HEG1: variants seen among roughly 807,000 people sequenced by gnomAD.
The protein encoded by HEG1 is heart development protein with EGF like domains 1.
Under a neutral mutation model 125.6 loss-of-function variants are expected in HEG1, and 56 were observed. The observed-to-expected ratio is 0.45, with a 90% CI of 0.36 to 0.56. HEG1 has a LOEUF of 0.56. HEG1 is among the 20% of genes least tolerant of loss of function. HEG1 has a pLI of 0.00. For synonymous variants in HEG1, 644 were observed against 668.5 expected (o/e 0.96, Z 0.57); for missense variants, 1,523 against 1,670.0 (o/e 0.91, Z 1.53).
chr3:125,007,860 C>T (rs1368521125), intron 8 of HEG1, among the ~76,000 whole-genome samples: 4 of 151,842 alleles, frequency 2.6e-5, no homozygotes, highest in Admixed American at 6.6e-5. Flanking sequence ...TATCTTAGTG[C>T]GTGGCTAAAT....
Position 125,013,870 on chromosome 3 carries a change from G to T in HEG1, c.1709C>A (p.Ser570Tyr). ...TFTKGERALL[S>Y]ITDNSSSSDI... ...TGAGGATGAACTGTTATCTGTAATGGACAGTAACGCCCGTTCTCCTTTGGT... is the reference window on the plus strand; with the variant it reads ...TGAGGATGAACTGTTATCTGTAATGTACAGTAACGCCCGTTCTCCTTTGGT... Residue 570 changes from serine (S) to tyrosine (Y), a missense_variant, in exon 6 of 17, where the codon TCC (serine) becomes TAC (tyrosine). Ser to Tyr is a moderately radical substitution (Grantham distance 144). Transcript: ENST00000311127. 6.2e-7 allele frequency: 1 copy of T among 1,613,928 alleles called. No individual in the cohort carries two copies. The highest frequency in any genetic ancestry group is 8.5e-7 in the Non-Finnish European group (1 of 1,179,856).
intron 11 of HEG1, 63 bp downstream of exon 11, chr3:125,001,789 T>C (rs1353039181): frequency 6.4e-7 from 1 of 1,550,766 alleles, no homozygotes; most frequent in African/African-American, 1.4e-5. Flanking sequence ...ATGCCTTGCA[T>C]TTCCATCTTA....
chr3:124,993,017 G>A (rs1445438810), intron 12 of HEG1, among the ~76,000 whole-genome samples: 5 of 152,328 alleles, frequency 3.3e-5, no homozygotes, highest in Non-Finnish European at 4.4e-5. Flanking sequence ...ACCTCTTGAC[G>A]AGGATGCCCC....
Position 125,002,338 on chromosome 3 carries a change from C to A in HEG1, c.3298-23G>T, listed in dbSNP as rs374027689. 84 of 1,603,870 alleles carry A rather than the reference C, an allele frequency of 5.2e-5. No individual in the cohort carries two copies. The African/African-American group carries it at 1.1e-3, about 20-fold the overall frequency. On this transcript the variant is annotated intron_variant, in intron 9 of 16. Coordinates refer to ENST00000311127, the MANE Select transcript of HEG1 (RefSeq NM_020733.2). ...TAACTGAAAGGAAGAACAAGCCTGT[C>A]GTTAACAGTGAGTTAGACAAAAGCC... is the stretch of plus-strand genomic sequence containing the variant.
chr3:125,015,973 C>T (rs1210791032), intron 5 of HEG1, among the ~76,000 whole-genome samples: 1 of 152,124 alleles, frequency 6.6e-6, no homozygotes, highest in Non-Finnish European at 1.5e-5. Flanking sequence ...GCACGGGCCA[C>T]GAGCATCACT....
rs770944767 is a variant in HEG1, at chr3:124,968,696, T to C, written c.*1956A>G. 1 of 151,834 alleles carries C rather than the reference T, an allele frequency of 6.6e-6. No homozygotes were observed. Among genetic ancestry groups the C allele is most frequent in the Non-Finnish European group, 1.5e-5 (1 of 67,988 alleles). The allele number at this position is 151,834 out of a possible 1,614,324, so 9.4% of individuals were successfully genotyped here. On this transcript the variant is annotated 3_prime_UTR_variant, in exon 17 of 17. Transcript: ENST00000311127. ...TTCCCACAGCTGCGGGTTCTGGGGGTGAGCAGGCATGCTGCGGAAGGAGCC... is the reference window on the plus strand; with the variant it reads ...TTCCCACAGCTGCGGGTTCTGGGGGCGAGCAGGCATGCTGCGGAAGGAGCC...
intron 14 of HEG1, among the ~76,000 whole-genome samples, chr3:124,986,765 G>C (rs1936746070): frequency 6.6e-6 from 1 of 152,174 alleles, no homozygotes. Flanking sequence ...GGAAGTCTGA[G>C]GAATCAGAGA....
At chr3:124,983,861 A>C (rs894505504) in intron 14 of HEG1, among the ~76,000 whole-genome samples, 7 of 152,168 alleles carry the variant, frequency 4.6e-5, no homozygotes, top group African/African-American at 1.7e-4. Flanking sequence ...CCTCGCTAGC[A>C]GAAGGGTTGG....
Position 124,977,921 on chromosome 3 carries a change from G to A in HEG1, c.3759C>T (p.Ile1253=), listed in dbSNP as rs1202188167. 6 of 1,578,950 alleles carry A rather than the reference G, an allele frequency of 3.8e-6. No homozygotes were observed. The highest frequency in any genetic ancestry group is 1.3e-5 in the African/African-American group (1 of 74,084). Reference sequence around the variant, plus strand: ...GCAGGAGCCCACCTCCCGCGGCTGCGATCACCACAGTGATAAGCTGATAGG... The same window carrying A: ...GCAGGAGCCCACCTCCCGCGGCTGCAATCACCACAGTGATAAGCTGATAGG... The part of the protein sequence containing the change: ...GNPYQLITVV[I]AAAGGGLLLI... Residue 1253 remains isoleucine (I), a synonymous_variant, in exon 15 of 17, where the codon ATC becomes ATT. Coordinates refer to ENST00000311127, the MANE Select transcript of HEG1 (RefSeq NM_020733.2).
intron 8 of HEG1, among the ~76,000 whole-genome samples, chr3:125,007,785 C>T (rs2107698615): frequency 6.6e-6 from 1 of 152,304 alleles, no homozygotes; most frequent in South Asian, 2.1e-4. Flanking sequence ...ATACACTTTC[C>T]CCACAATCCT....
intron 14 of HEG1, among the ~76,000 whole-genome samples, chr3:124,983,551 T>A (rs1936689084): frequency 6.6e-6 from 1 of 150,882 alleles, no homozygotes; most frequent in South Asian, 2.1e-4. Flanking sequence ...CCCAGGTTGG[T>A]CTCAAATTTC....
chr3:124,975,358 A>G (rs1936515875), intron 15 of HEG1, among the ~76,000 whole-genome samples: 1 of 152,190 alleles, frequency 6.6e-6, no homozygotes. Flanking sequence ...CCTTATCTGA[A>G]TAGATCATCA....
At chr3:125,007,608 A>C (rs1257762008) in intron 8 of HEG1, among the ~76,000 whole-genome samples, 2 of 152,214 alleles carry the variant, frequency 1.3e-5, no homozygotes, top group Non-Finnish European at 2.9e-5. Flanking sequence ...TACCATTTTC[A>C]AAGCTTGCTC....
At chr3:125,006,062 C>T (rs1472426890) in intron 8 of HEG1, among the ~76,000 whole-genome samples, 1 of 152,206 alleles carries the variant, frequency 6.6e-6, no homozygotes, top group South Asian at 2.1e-4. Flanking sequence ...TCAAAGCTCT[C>T]CTTTCCCCTA....
intron 15 of HEG1, among the ~76,000 whole-genome samples, chr3:124,977,068 C>CATGATAGTAA (rs143433611): frequency 0.35 from 53,294 of 151,582 alleles, 10,260 homozygotes; most frequent in African/African-American, 0.5. Flanking sequence ...ATGCTGTTCT[C>CATGATAGTAA]ATGATAGTAA....
intron 9 of HEG1, among the ~76,000 whole-genome samples, chr3:125,004,888 C>T (rs1394774874): frequency 1.3e-5 from 2 of 152,140 alleles, no homozygotes; most frequent in African/African-American, 4.8e-5. Flanking sequence ...TTCCAAAATA[C>T]AAGAGGAAAG....
At chr3:125,009,385 G>T in intron 8 of HEG1, 1 of 166,082 alleles carries the variant, frequency 6.0e-6, no homozygotes, top group Non-Finnish European at 1.3e-5. Context: ...ATACACAAAT[G>T]ATGGCATAAT....
In HEG1 at chr3:124,990,723, C is replaced by T. The variant is rs1560018412; in HGVS notation, c.3733+64G>A. ...TGAGGGAAGTGGGAGGAGACTGACA[C>T]CTGTGCACTAACAACAGGGCCAGGC... On this transcript the variant is annotated intron_variant, in intron 14 of 16. Transcript: ENST00000311127. The T allele has an allele frequency of 2.1e-6, 3 of 1,454,342 alleles. No individual in the cohort carries two copies. In the Admixed American group the frequency reaches 6.0e-5, roughly 29 times the overall value. The allele number at this position is 1,454,342 out of a possible 1,614,324, so 90.1% of individuals were successfully genotyped here. A position where few individuals can be genotyped will look rare whatever the true frequency, so the allele number is the denominator to read the frequency against.
intron 8 of HEG1, 37 bp downstream of exon 8, chr3:125,009,668 G>T: frequency 6.4e-7 from 1 of 1,570,450 alleles, no homozygotes; most frequent in South Asian, 1.2e-5. Flanking sequence ...ATATATTGTG[G>T]TACGGAATAA....
Sources: gnomAD v4.1 joint callset for allele counts (sites outside exome capture counted in the v4.1 genomes callset) on GRCh38, gnomAD v4.1.1 for gene constraint, MANE v1.5 for transcripts, NCBI Gene and HGNC (gene_info 2026-07-23, HGNC 2026-07-21) for gene names.